The following NBAS variants were observed in gnomAD, a reference collection of about 807,000 sequenced individuals.
NBAS encodes NAG/BC035112 fusion.
In NBAS, 219 loss-of-function variants were observed where a neutral mutation model predicts 302.5. The observed-to-expected ratio is 0.72, with a 90% CI of 0.65 to 0.81. The LOEUF (loss-of-function observed/expected upper bound fraction) is 0.81, where lower values mean the gene tolerates loss of function less well. Among genes scored for constraint, NBAS ranks in the 30% least tolerant of loss-of-function variants. NBAS has a pLI of 0.00. For missense variants in NBAS, 2,932 were observed against 2,841.6 expected (o/e 1.03, Z -0.72); for synonymous variants, 1,118 against 1,021.6 (o/e 1.09, Z -1.80).
the NBAS span, among the ~76,000 whole-genome samples, chr2:15,125,043 A>G: frequency 0.14 from 20,788 of 152,120 alleles, 2,692 homozygotes; most frequent in African/African-American, 0.33. Flanking sequence ...TAGATCTCCC[A>G]GCAGCTTTCA....
At chr2:15,181,425 C>G (rs745997235) in intron 50 of NBAS, among the ~76,000 whole-genome samples, 18 of 152,198 alleles carry the variant, frequency 1.2e-4, no homozygotes, top group Non-Finnish European at 2.1e-4. Context: ...CAAATACTTA[C>G]TCTATCTTTA....
At chr2:15,408,822 A>G (rs1225592357) in intron 25 of NBAS, among the ~76,000 whole-genome samples, 2 of 152,228 alleles carry the variant, frequency 1.3e-5, no homozygotes, top group Non-Finnish European at 2.9e-5. Flanking sequence ...CTATATAGTC[A>G]TAAAAATTAA....
chr2:14,998,703 A>G, the NBAS span, among the ~76,000 whole-genome samples: 52,020 of 152,046 alleles, frequency 0.34, 9,769 homozygotes, highest in Non-Finnish European at 0.43. Context: ...CATATGTTAA[A>G]TGTGTCTCAC....
the NBAS span, among the ~76,000 whole-genome samples, chr2:15,012,762 G>T: frequency 6.6e-6 from 1 of 151,794 alleles, no homozygotes; most frequent in Non-Finnish European, 1.5e-5. Context: ...TGTACTGAAA[G>T]AAAAAGAAAA....
At chr2:15,462,949 C>T (rs1329129318) in intron 19 of NBAS, among the ~76,000 whole-genome samples, 1 of 152,166 alleles carries the variant, frequency 6.6e-6, no homozygotes, top group Non-Finnish European at 1.5e-5. Flanking sequence ...TTAATGCATA[C>T]TCATGGAAAC....
At chr2:15,182,166 G>C (rs894638163) in intron 50 of NBAS, among the ~76,000 whole-genome samples, 4 of 152,238 alleles carry the variant, frequency 2.6e-5, no homozygotes. Context: ...GAGCCTCTCA[G>C]GTTGTGCTGG....
the NBAS span, among the ~76,000 whole-genome samples, chr2:14,848,370 C>T: frequency 7.2e-6 from 1 of 137,964 alleles, no homozygotes; most frequent in South Asian, 2.1e-4. Flanking sequence ...CTTTTCAGAC[C>T]GGCTTAAAAA....
the NBAS span, among the ~76,000 whole-genome samples, chr2:14,838,341 T>G: frequency 1.3e-5 from 2 of 151,978 alleles, no homozygotes; most frequent in Non-Finnish European, 2.9e-5. Flanking sequence ...GCTATTAATC[T>G]CATTAATTAC....
chr2:14,859,008 T>C, the NBAS span, among the ~76,000 whole-genome samples: 1 of 151,946 alleles, frequency 6.6e-6, no homozygotes, highest in African/African-American at 2.4e-5. Context: ...AGTTGCAAGA[T>C]ACAAAATTTA....
the NBAS span, among the ~76,000 whole-genome samples, chr2:14,912,703 T>TAAAAAAAAAAAAA: frequency 2.5e-5 from 2 of 78,550 alleles, no homozygotes; most frequent in African/African-American, 3.6e-5. Context: ...CATTCATTTT[T>TAAAAAAAAAAAAA]AAAAAAAAAA....
chr2:14,964,508 T>C, the NBAS span, among the ~76,000 whole-genome samples: 18 of 152,156 alleles, frequency 1.2e-4, no homozygotes, highest in African/African-American at 3.9e-4. Context: ...CCTAAAAGTT[T>C]ATACACTTAA....
At chr2:15,134,152 T>C in the NBAS span, among the ~76,000 whole-genome samples, 2 of 151,848 alleles carry the variant, frequency 1.3e-5, no homozygotes, top group Non-Finnish European at 2.9e-5. Context: ...TCCAGTGTGA[T>C]AGAATAAGGA....
At chr2:14,871,904 G>A in the NBAS span, among the ~76,000 whole-genome samples, 2 of 152,090 alleles carry the variant, frequency 1.3e-5, no homozygotes, top group East Asian at 3.8e-4. Context: ...TATCACATTA[G>A]ATATAAATTA....
chr2:14,979,105 G>T, the NBAS span, among the ~76,000 whole-genome samples: 1 of 152,162 alleles, frequency 6.6e-6, no homozygotes, highest in Non-Finnish European at 1.5e-5. Flanking sequence ...ACAGGGATGT[G>T]AAGAAATTTC....
At chr2:14,871,226 G>A in the NBAS span, among the ~76,000 whole-genome samples, 24 of 148,564 alleles carry the variant, frequency 1.6e-4, no homozygotes, top group South Asian at 5.1e-3. Context: ...GATGAGGGAA[G>A]AGAAAAAAAA....
At chr2:15,125,565 G>C in the NBAS span, among the ~76,000 whole-genome samples, 2 of 152,210 alleles carry the variant, frequency 1.3e-5, no homozygotes, top group Admixed American at 6.5e-5. Flanking sequence ...GCCAGGGATA[G>C]AGAACCAAAC....
intron 51 of NBAS, chr2:15,177,881 C>T (rs945832177): frequency 1.7e-5 from 5 of 286,746 alleles, no homozygotes; most frequent in African/African-American, 4.4e-5. Context: ...TGATCAGGTA[C>T]GGTATTCACA....
At chr2:14,800,030 T>A in the NBAS span, among the ~76,000 whole-genome samples, 1 of 152,342 alleles carries the variant, frequency 6.6e-6, no homozygotes, top group South Asian at 2.1e-4. Flanking sequence ...TTAAATGGAA[T>A]GCATATACCA....
intron 48 of NBAS, among the ~76,000 whole-genome samples, chr2:15,209,299 A>T (rs1471562944): frequency 6.6e-6 from 1 of 152,174 alleles, no homozygotes; most frequent in Admixed American, 6.5e-5. Context: ...GACAGAAGCC[A>T]TAAGTCTCCC....
Sources: allele counts gnomAD v4.1 joint callset (sites outside exome capture counted in the v4.1 genomes callset), GRCh38; gene constraint gnomAD v4.1.1; transcripts MANE v1.5; gene names NCBI Gene and HGNC (gene_info 2026-07-23, HGNC 2026-07-21).